SHLD1: variants seen among roughly 807,000 people sequenced by gnomAD.
SHLD1 encodes the protein shieldin complex subunit 1.
SHLD1 carries 3 observed loss-of-function variants against 5.5 expected under a neutral mutation model. The ratio of observed to expected loss-of-function variants is 0.54; its 90% CI spans 0.25 to 1.40. The LOEUF is 1.40. Among genes scored for constraint, SHLD1 ranks in the 40% most tolerant of loss-of-function variants. The pLI, the probability that SHLD1 is intolerant of heterozygous loss-of-function variation, is 0.15. For synonymous variants in SHLD1, 92 were observed against 94.3 expected (o/e 0.98, Z 0.14); for missense variants, 210 against 244.4 (o/e 0.86, Z 0.94).
At chr20:5,812,327 G>A (rs566810916) in intron 2 of SHLD1, among the ~76,000 whole-genome samples, 2 of 152,172 alleles carry the variant, frequency 1.3e-5, no homozygotes, top group South Asian at 2.1e-4. Flanking sequence ...TGAGTCCATA[G>A]GCCACTGCTT....
chr20:5,773,252 G>A, intron 2 of SHLD1: 1 of 685,916 alleles, frequency 1.5e-6, no homozygotes, highest in Non-Finnish European at 2.7e-6. Flanking sequence ...CTGTTTCCTG[G>A]ATGTCTTTTT....
chr20:5,826,873 C>A (rs1037953659), intron 2 of SHLD1, among the ~76,000 whole-genome samples: 1 of 152,132 alleles, frequency 6.6e-6, no homozygotes, highest in Non-Finnish European at 1.5e-5. Context: ...GTGCTGTGGT[C>A]TGTGGCTAGT....
At chr20:5,856,550 C>T (rs138073502) in intron 2 of SHLD1, among the ~76,000 whole-genome samples, 16 of 152,280 alleles carry the variant, frequency 1.1e-4, no homozygotes, top group Admixed American at 2.0e-4. Flanking sequence ...TGGCCCATGG[C>T]CCCTCATATA....
intron 2 of SHLD1, among the ~76,000 whole-genome samples, chr20:5,801,903 A>G (rs1025991627): frequency 8.5e-5 from 13 of 152,066 alleles, no homozygotes; most frequent in Non-Finnish European, 1.9e-4. Flanking sequence ...AGTCTCCACT[A>G]TAAAGTTCCG....
chr20:5,757,753 C>T (rs866911670), intron 1 of SHLD1, among the ~76,000 whole-genome samples: 1 of 152,084 alleles, frequency 6.6e-6, no homozygotes, highest in Non-Finnish European at 1.5e-5. Flanking sequence ...CAGGTGCCCA[C>T]CACCACACCT....
At chr20:5,833,914 AG>A (rs1207926575) in intron 2 of SHLD1, among the ~76,000 whole-genome samples, 2 of 152,200 alleles carry the variant, frequency 1.3e-5, no homozygotes, top group African/African-American at 4.8e-5. Flanking sequence ...GCCTACATTC[AG>A]TTACCTAAAG....
intron 2 of SHLD1, among the ~76,000 whole-genome samples, chr20:5,791,936 G>A (rs987281175): frequency 6.6e-6 from 1 of 152,072 alleles, no homozygotes; most frequent in African/African-American, 2.4e-5. Flanking sequence ...GTTTTGACTT[G>A]CACTTTTCTG....
chr20:5,776,339 T>C (rs1600110051), intron 2 of SHLD1, among the ~76,000 whole-genome samples: 1 of 152,198 alleles, frequency 6.6e-6, no homozygotes, highest in Non-Finnish European at 1.5e-5. Flanking sequence ...TGGTGTCTGG[T>C]GCTGTCCCTG....
intron 2 of SHLD1, among the ~76,000 whole-genome samples, chr20:5,834,966 GGCCCTAT>G (rs1308899095): frequency 6.6e-6 from 1 of 152,058 alleles, no homozygotes; most frequent in African/African-American, 2.4e-5. Context: ...ATCTCCCAAT[GGCCCTAT>G]GTCTTAATAC....
chr20:5,751,902 A>G (rs1983771019), intron 1 of SHLD1, among the ~76,000 whole-genome samples: 1 of 152,208 alleles, frequency 6.6e-6, no homozygotes, highest in Non-Finnish European at 1.5e-5. Flanking sequence ...GATATGTCCA[A>G]GGGTGGTCTT....
chr20:5,753,394 G>A (rs1002838768), intron 1 of SHLD1, among the ~76,000 whole-genome samples: 4 of 152,028 alleles, frequency 2.6e-5, no homozygotes, highest in African/African-American at 7.2e-5. Flanking sequence ...CTCCCACCTC[G>A]GCCTTCCAAA....
chr20:5,827,372 G>A (rs756639107), intron 2 of SHLD1, among the ~76,000 whole-genome samples: 11 of 152,352 alleles, frequency 7.2e-5, no homozygotes, highest in Admixed American at 3.9e-4. Context: ...GCAGCCATCA[G>A]CCATAGTCCA....
At chr20:5,810,419 C>G (rs2122371623) in intron 2 of SHLD1, among the ~76,000 whole-genome samples, 1 of 152,136 alleles carries the variant, frequency 6.6e-6, no homozygotes, top group South Asian at 2.1e-4. Flanking sequence ...ATGGGACCTT[C>G]CGAGCCATTT....
chr20:5,788,349 T>G (rs971980129), intron 2 of SHLD1, among the ~76,000 whole-genome samples: 1 of 152,196 alleles, frequency 6.6e-6, no homozygotes. Context: ...TTAGGGATTG[T>G]AAAATGCAGT....
Position 5,806,878 on chromosome 20 carries a change from G to A in SHLD1, c.178+33835G>A, listed in dbSNP as rs538846034. On this transcript the variant is annotated intron_variant, in intron 2 of 2. Transcript: ENST00000303142. This position sits in a 1 kb window ranked among gnomAD's most constrained non-coding sequence, Gnocchi z 7.6. ...ACCACCCTCTCCACTAGAATGCCAT[G>A]TATTATGTATTTCCACTGAAGGACT... Among the ~76,000 whole-genome samples the A allele has an allele frequency of 2.0e-5, 3 of 152,252 alleles. No individual in the cohort carries two copies. The South Asian group carries it at 6.2e-4, about 31-fold the overall frequency.
intron 1 of SHLD1, among the ~76,000 whole-genome samples, chr20:5,762,121 G>C (rs111268423): frequency 0.037 from 5,632 of 151,404 alleles, 138 homozygotes; most frequent in African/African-American, 0.073. Context: ...GTGTGGTGGT[G>C]GGCACCTGTA....
intron 2 of SHLD1, among the ~76,000 whole-genome samples, chr20:5,813,385 G>A (rs1385314744): frequency 1.3e-5 from 2 of 152,156 alleles, no homozygotes; most frequent in Non-Finnish European, 2.9e-5. Context: ...AGCTACTTGG[G>A]AGGCTGAGGC....
rs903556754 is a variant in SHLD1, at chr20:5,806,930, G to C, written c.178+33887G>C. 2.0e-5 allele frequency among the ~76,000 whole-genome samples: 3 copies of C among 152,252 alleles called. No individual in the cohort carries two copies. Among genetic ancestry groups the C allele is most frequent in the South Asian group, 2.1e-4 (1 of 4,834 alleles). ...GATTTTAGCACCGAAGAGTGAGTGAGTGGTCGTGTAACCTGTACCTGCAAT... is the reference window on the plus strand; with the variant it reads ...GATTTTAGCACCGAAGAGTGAGTGACTGGTCGTGTAACCTGTACCTGCAAT... On this transcript the variant is annotated intron_variant, in intron 2 of 2. Transcript: ENST00000303142. The surrounding 1 kb of genome is among the most constrained non-coding windows in gnomAD (Gnocchi z 7.6).
chr20:5,854,675 A>G (rs1355652069), intron 2 of SHLD1, among the ~76,000 whole-genome samples: 1 of 152,200 alleles, frequency 6.6e-6, no homozygotes, highest in Non-Finnish European at 1.5e-5. Flanking sequence ...GATAAAATGC[A>G]CATAACATGA....
Sources: allele counts gnomAD v4.1 joint callset (sites outside exome capture counted in the v4.1 genomes callset), GRCh38; gene constraint gnomAD v4.1.1; non-coding constraint Gnocchi (gnomAD v3.1); transcripts MANE v1.5; gene names NCBI Gene and HGNC (gene_info 2026-07-23, HGNC 2026-07-21).